The following OSBPL1A variants were observed in gnomAD, a reference collection of about 807,000 sequenced individuals.
OSBPL1A encodes oxysterol binding protein like 1A.
OSBPL1A carries 80 observed loss-of-function variants against 137.1 expected under a neutral mutation model. The observed-to-expected ratio is 0.58, with a 90% CI of 0.49 to 0.70. The LOEUF (loss-of-function observed/expected upper bound fraction) is 0.70, where lower values mean the gene tolerates loss of function less well. Among genes scored for constraint, OSBPL1A ranks in the 30% least tolerant of loss-of-function variants. The pLI is 0.00. For missense variants in OSBPL1A, 970 were observed against 1,129.4 expected, an observed-to-expected ratio of 0.86 and a Z score of 2.02; for synonymous variants, 365 against 389.7, an observed-to-expected ratio of 0.94 and a Z score of 0.75.
chr18:24,324,939 A>G (rs2090944777), intron 7 of OSBPL1A, among the ~76,000 whole-genome samples: 6 of 151,868 alleles, frequency 4.0e-5, no homozygotes, highest in Admixed American at 3.9e-4. Context: ...TACAAAAATT[A>G]GCTGGGCATG....
chr18:24,240,159 A>T (rs1465767340), intron 15 of OSBPL1A, among the ~76,000 whole-genome samples: 1 of 152,056 alleles, frequency 6.6e-6, no homozygotes, highest in Non-Finnish European at 1.5e-5. Flanking sequence ...CAGCCCCTCA[A>T]GTGATCTGCC....
At chr18:24,164,420 GTTTTTT>G (rs35343209) in intron 27 of OSBPL1A, among the ~76,000 whole-genome samples, 1 of 95,970 alleles carries the variant, frequency 1.0e-5, no homozygotes, top group Admixed American at 1.2e-4. Flanking sequence ...GAGATTTTTG[GTTTTTT>G]TTTTTTTTTT....
At chr18:24,354,767 A>G (rs1445291382) in intron 4 of OSBPL1A, among the ~76,000 whole-genome samples, 2 of 151,250 alleles carry the variant, frequency 1.3e-5, no homozygotes, top group Non-Finnish European at 3.0e-5. Context: ...AAAAAAAAAA[A>G]AAAAAAGAAA....
At chr18:24,296,457 A>G (rs1485964112) in intron 14 of OSBPL1A, among the ~76,000 whole-genome samples, 1 of 152,136 alleles carries the variant, frequency 6.6e-6, no homozygotes, top group Non-Finnish European at 1.5e-5. Context: ...AAACAACACT[A>G]GTTTGACTTC....
At chr18:24,389,331 T>G (rs891031527) in intron 1 of OSBPL1A, among the ~76,000 whole-genome samples, 1 of 152,216 alleles carries the variant, frequency 6.6e-6, no homozygotes, top group Admixed American at 6.5e-5. Flanking sequence ...TTTTGCCTTA[T>G]GTTTTCTCTC....
chr18:24,321,490 G>A (rs900077666), intron 7 of OSBPL1A, among the ~76,000 whole-genome samples: 6 of 152,132 alleles, frequency 3.9e-5, no homozygotes, highest in Non-Finnish European at 8.8e-5. Context: ...TAGGAATGGG[G>A]TTTCACCAGG....
intron 17 of OSBPL1A, among the ~76,000 whole-genome samples, chr18:24,217,378 C>T (rs1567952485): frequency 6.6e-6 from 1 of 151,272 alleles, no homozygotes; most frequent in Non-Finnish European, 1.5e-5. Context: ...CTGCCTCAGT[C>T]TCCCGTGTAG....
Position 24,271,766 on chromosome 18 carries a change from C to T in OSBPL1A, c.1281+9076G>A. 2.0e-6 allele frequency: 2 copies of T among 985,560 alleles called. No homozygotes were observed. The highest frequency in any genetic ancestry group is 2.4e-6 in the Non-Finnish European group (2 of 830,060). The allele number at this position is 985,560 out of a possible 1,614,324, so 61.1% of individuals were successfully genotyped here. A position where few individuals can be genotyped will look rare whatever the true frequency, so the allele number is the denominator to read the frequency against. On this transcript the variant is annotated intron_variant, in intron 15 of 27. Transcript: ENST00000319481. The surrounding 1 kb of genome is among the most constrained non-coding windows in gnomAD (Gnocchi z 4.0). ...TCCGGGAGGCGCGACCCAGGGCGGCCCGCAAGGTCTCCCTAAGTCACCTTT... is the reference window on the plus strand; with the variant it reads ...TCCGGGAGGCGCGACCCAGGGCGGCTCGCAAGGTCTCCCTAAGTCACCTTT...
At chr18:24,255,041 C>T (rs2089229177) in intron 15 of OSBPL1A, among the ~76,000 whole-genome samples, 2 of 152,030 alleles carry the variant, frequency 1.3e-5, no homozygotes, top group South Asian at 4.2e-4. Flanking sequence ...CCACAGAAAT[C>T]CAAAGGATCA....
intron 17 of OSBPL1A, among the ~76,000 whole-genome samples, chr18:24,197,786 C>CTTTTTTTTTTTTT (rs1043369707): frequency 8.1e-6 from 1 of 122,816 alleles, no homozygotes; most frequent in Non-Finnish European, 1.7e-5. Flanking sequence ...CTTTTCTTTT[C>CTTTTTTTTTTTTT]TTTTTTTTTT....
At chr18:24,392,238 G>A (rs563621825) in intron 1 of OSBPL1A, among the ~76,000 whole-genome samples, 40 of 152,100 alleles carry the variant, frequency 2.6e-4, no homozygotes, top group Non-Finnish European at 4.4e-4. Flanking sequence ...TCGGTTCACC[G>A]CAACCTCCGC....
At chr18:24,310,326 C>A (rs1417580317) in intron 13 of OSBPL1A, among the ~76,000 whole-genome samples, 1 of 150,604 alleles carries the variant, frequency 6.6e-6, no homozygotes, top group African/African-American at 2.4e-5. Flanking sequence ...TTGTGGCTCA[C>A]GTCTGTAATC....
intron 23 of OSBPL1A, 45 bp downstream of exon 23, chr18:24,171,363 AG>A: frequency 7.1e-7 from 1 of 1,402,202 alleles, no homozygotes. Context: ...CATTTTATCT[AG>A]TGAACAAAAT....
intron 4 of OSBPL1A, among the ~76,000 whole-genome samples, chr18:24,343,431 C>G (rs2091300633): frequency 6.6e-6 from 1 of 152,114 alleles, no homozygotes; most frequent in Non-Finnish European, 1.5e-5. Flanking sequence ...AATGCAATCC[C>G]TATCAAATAC....
intron 15 of OSBPL1A, chr18:24,272,139 G>C: frequency 1.0e-6 from 1 of 983,994 alleles, no homozygotes; most frequent in Non-Finnish European, 1.2e-6. Flanking sequence ...GTCGGGGACT[G>C]CTCCTTGGGC....
chr18:24,315,479 A>T (rs555317688), intron 11 of OSBPL1A, among the ~76,000 whole-genome samples: 7 of 151,032 alleles, frequency 4.6e-5, no homozygotes, highest in African/African-American at 1.7e-4. Flanking sequence ...CAAGAAAAGG[A>T]CTTGCTGCAA....
At chr18:24,317,528 A>G in intron 9 of OSBPL1A, 128 bp from the exon 10 acceptor site, 1 of 738,366 alleles carries the variant, frequency 1.4e-6, no homozygotes, top group Non-Finnish European at 2.4e-6. Context: ...CAGTAAAAAA[A>G]AATGATCAAA....
chr18:24,395,947 C>T (rs974228155), intron 1 of OSBPL1A, among the ~76,000 whole-genome samples: 1 of 148,344 alleles, frequency 6.7e-6, no homozygotes, highest in Non-Finnish European at 1.5e-5. Context: ...GAAATAATAT[C>T]TGTGGCTCAC....
At chr18:24,364,116 T>C (rs2091668711) in intron 4 of OSBPL1A, among the ~76,000 whole-genome samples, 1 of 152,190 alleles carries the variant, frequency 6.6e-6, no homozygotes, top group South Asian at 2.1e-4. Flanking sequence ...GTGGATGTCT[T>C]TGGAGGGCCA....
Sources: allele counts gnomAD v4.1 joint callset (sites outside exome capture counted in the v4.1 genomes callset), GRCh38; gene constraint gnomAD v4.1.1; non-coding constraint Gnocchi (gnomAD v3.1); transcripts MANE v1.5; gene names NCBI Gene and HGNC (gene_info 2026-07-23, HGNC 2026-07-21).